The following CEP192 variants were observed in gnomAD, a reference collection of about 807,000 sequenced individuals.
CEP192 encodes the protein centrosomal protein of 192 kDa.
A neutral mutation model predicts 271.8 loss-of-function variants in CEP192; 151 were observed. That is an observed-to-expected ratio of 0.56 (90% CI 0.49 to 0.64). The LOEUF is 0.64. Among genes scored for constraint, CEP192 ranks in the 30% least tolerant of loss-of-function variants. The pLI is 0.00. For missense variants in CEP192, 2,910 were observed against 3,020.5 expected (o/e 0.96, Z 0.86); for synonymous variants, 995 against 1,076.5 (o/e 0.92, Z 1.48).
chr18:13,008,570 TACA>T lies in CEP192; in HGVS notation c.406_408del (p.Thr136del). 1 of 1,551,710 alleles carries T rather than the reference TACA, an allele frequency of 6.4e-7. No homozygotes were observed. The highest frequency in any genetic ancestry group is 8.7e-7 in the Non-Finnish European group (1 of 1,146,976). ...GACCAGAAGAGGAGCCAGCCGGAGC[TACA>T]GAATCCTTGCAGGGCCAAGATCTCT... On this transcript the variant is annotated inframe_deletion, in exon 4 of 45. Coordinates refer to ENST00000506447, the MANE Select transcript of CEP192 (RefSeq NM_032142.4).
At chr18:13,039,780 G>A (rs1193850175) in intron 13 of CEP192, among the ~76,000 whole-genome samples, 4 of 152,178 alleles carry the variant, frequency 2.6e-5, no homozygotes, top group East Asian at 1.9e-4. Context: ...GCAGCCTGCC[G>A]CCATATGTCA....
intron 13 of CEP192, among the ~76,000 whole-genome samples, chr18:13,038,894 T>C (rs887030308): frequency 6.6e-6 from 1 of 152,226 alleles, no homozygotes; most frequent in Non-Finnish European, 1.5e-5. Context: ...ATGTAATAAG[T>C]ATTTAATAGT....
chr18:13,075,317 C>T (rs1167881846), intron 30 of CEP192, among the ~76,000 whole-genome samples: 1 of 152,096 alleles, frequency 6.6e-6, no homozygotes, highest in African/African-American at 2.4e-5. Flanking sequence ...CCTGTAATCC[C>T]AGCAGTTTGG....
intron 18 of CEP192, among the ~76,000 whole-genome samples, chr18:13,053,765 C>T (rs555695803): frequency 1.2e-4 from 19 of 152,258 alleles, no homozygotes; most frequent in Middle Eastern, 3.4e-3. Flanking sequence ...TCACAGCTCA[C>T]TACAGCCTGG....
chr18:13,030,470 G>C lies in CEP192; in HGVS notation c.1396G>C (p.Asp466His). The change falls in exon 11 of 45, where the codon GAT becomes CAT. Residue 466 changes from aspartate to histidine, a missense_variant. Asp to His is a moderately conservative substitution (Grantham distance 81). Transcript: ENST00000506447. ...TTGGGAATTTTATTTTTTAGAAACAGATCTCCCACAGAGTGTGGTCTATCA... is the reference window on the plus strand; with the variant it reads ...TTGGGAATTTTATTTTTTAGAAACACATCTCCCACAGAGTGTGGTCTATCA... ...ESIEKNKDKT[D>H]LPQSVVYQNE... 2 of 1,578,658 alleles carry C rather than the reference G, an allele frequency of 1.3e-6. No individual in the cohort carries two copies. The highest frequency in any genetic ancestry group is 1.7e-6 in the Non-Finnish European group (2 of 1,161,390).
intron 1 of CEP192, among the ~76,000 whole-genome samples, chr18:12,993,631 GCAC>G (rs999567060): frequency 1.3e-5 from 2 of 152,254 alleles, no homozygotes; most frequent in Admixed American, 6.5e-5. Context: ...TCCAAGGCAT[GCAC>G]CACCAGGAGG....
At chr18:13,067,262 T>TA (rs2037759279) in intron 21 of CEP192, among the ~76,000 whole-genome samples, 1 of 152,146 alleles carries the variant, frequency 6.6e-6, no homozygotes, top group Non-Finnish European at 1.5e-5. Context: ...TACTATGACA[T>TA]TTCCTATCGG....
chr18:13,092,568 T>G, intron 34 of CEP192, 41 bp downstream of exon 34: 1 of 1,459,514 alleles, frequency 6.9e-7, no homozygotes, highest in Admixed American at 2.1e-5. Context: ...GATTTCAGGA[T>G]GATTCGATTC....
chr18:13,073,567 T>C (rs1196535885), intron 30 of CEP192, among the ~76,000 whole-genome samples: 1 of 152,260 alleles, frequency 6.6e-6, no homozygotes, highest in Non-Finnish European at 1.5e-5. Flanking sequence ...TTCAGTCGGC[T>C]ATAACTAAAT....
rs758936892 is a variant in CEP192 at position 13,087,109 on chromosome 18, A to G, written c.5709A>G (p.Leu1903=). 3 of 1,613,906 alleles carry G rather than the reference A, an allele frequency of 1.9e-6. No individual in the cohort carries two copies. The highest frequency in any genetic ancestry group is 1.3e-5 in the African/African-American group (1 of 74,940). Residue 1903 remains leucine (L), a synonymous_variant, in exon 31 of 45, where the codon TTA becomes TTG. Transcript: ENST00000506447. ...GTTACATGGTAACAGTGAATGGCTT[A>G]GTACCTGGCAAAGAAAGTAAAATTG... The part of the protein sequence containing the change: ...SDSYMVTVNG[L]VPGKESKIVF...
At chr18:13,019,376 T>G (rs1443563692) in intron 9 of CEP192, among the ~76,000 whole-genome samples, 170 bp downstream of exon 9, 4 of 152,220 alleles carry the variant, frequency 2.6e-5, no homozygotes, top group Non-Finnish European at 5.9e-5. Flanking sequence ...TATCATACAA[T>G]TATATACATT....
intron 42 of CEP192, among the ~76,000 whole-genome samples, chr18:13,115,052 A>G (rs546620014): frequency 3.3e-5 from 5 of 152,370 alleles, no homozygotes; most frequent in South Asian, 4.1e-4. Flanking sequence ...TATGTTAAAT[A>G]TCTGCTGAAT....
rs563126207 is a variant in CEP192 at position 13,092,951 on chromosome 18, G to A, written c.6254+424G>A. Among the ~76,000 whole-genome samples the A allele has an allele frequency of 8.5e-5, 13 of 152,150 alleles. No homozygotes were observed. The East Asian group carries it at 2.5e-3, about 29-fold the overall frequency. ...AGGCGGATCACGAGGTCAGGAGATC[G>A]AGATCATCCTGGCTAACACAGTGAA... is the stretch of plus-strand genomic sequence containing the variant. On this transcript the variant is annotated intron_variant, in intron 34 of 44. Coordinates refer to ENST00000506447, the MANE Select transcript of CEP192 (RefSeq NM_032142.4).
At chr18:13,037,422 A>C in intron 12 of CEP192, 121 bp downstream of exon 12, 1 of 500,642 alleles carries the variant, frequency 2.0e-6, no homozygotes, top group African/African-American at 2.0e-5. Flanking sequence ...TATTTTTCTT[A>C]TGGCTAGACA....
chr18:13,073,329 T>TG, intron 30 of CEP192, 144 bp downstream of exon 30: 1 of 728,912 alleles, frequency 1.4e-6, no homozygotes, highest in Non-Finnish European at 2.2e-6. Context: ...AGGGAGTAAT[T>TG]TATATGCTTT....
chr18:13,022,536 A>C (rs1259803589), intron 9 of CEP192, among the ~76,000 whole-genome samples: 1 of 152,106 alleles, frequency 6.6e-6, no homozygotes, highest in Admixed American at 6.6e-5. Flanking sequence ...GTACGCCACC[A>C]TGCCCAGCTA....
chr18:13,091,537 T>G (rs2039146683), intron 33 of CEP192, among the ~76,000 whole-genome samples: 1 of 152,228 alleles, frequency 6.6e-6, no homozygotes, highest in Non-Finnish European at 1.5e-5. Flanking sequence ...CATGTTACTA[T>G]TCCAAGGATT....
chr18:13,037,577 GAGAC>G (rs774994198), intron 12 of CEP192, among the ~76,000 whole-genome samples: 4 of 151,650 alleles, frequency 2.6e-5, no homozygotes, highest in Non-Finnish European at 5.9e-5. Context: ...TTTATTTTTT[GAGAC>G]AGGACTTGCT....
chr18:12,998,615 C>G (rs2033410128), intron 1 of CEP192, among the ~76,000 whole-genome samples: 1 of 152,210 alleles, frequency 6.6e-6, no homozygotes, highest in African/African-American at 2.4e-5. Context: ...ACTCTCTCAT[C>G]CCATACTCTG....
Sources: allele counts gnomAD v4.1 joint callset (sites outside exome capture counted in the v4.1 genomes callset), GRCh38; gene constraint gnomAD v4.1.1; transcripts MANE v1.5; gene names NCBI Gene and HGNC (gene_info 2026-07-23, HGNC 2026-07-21).